HACD3: variants seen among roughly 807,000 people sequenced by gnomAD.
HACD3 encodes very-long-chain (3R)-3-hydroxyacyl-CoA dehydratase 3.
HACD3 carries 30 observed loss-of-function variants against 55.2 expected under a neutral mutation model. That is an observed-to-expected ratio of 0.54 (90% CI 0.41 to 0.74). HACD3 has a LOEUF of 0.74. HACD3 is among the 30% of genes least tolerant of loss of function. HACD3 has a pLI of 0.00. For synonymous variants in HACD3, 141 were observed against 151.7 expected (o/e 0.93, Z 0.52); for missense variants, 363 against 440.1 (o/e 0.82, Z 1.57).
At chr15:65,556,617 T>C in intron 3 of HACD3, 122 bp from the exon 4 acceptor site, 1 of 1,073,324 alleles carries the variant, frequency 9.3e-7, no homozygotes, top group South Asian at 1.9e-5. Flanking sequence ...CATCAGGACT[T>C]GCAGGACCAG....
At chr15:65,575,568 AAAAG>A (rs915434446) in intron 10 of HACD3, among the ~76,000 whole-genome samples, 33 of 152,288 alleles carry the variant, frequency 2.2e-4, no homozygotes, top group Non-Finnish European at 3.1e-4. Context: ...ATTTTACTGT[AAAAG>A]AAAGAAAGAA....
At chr15:65,531,856 G>A (rs1404629077) in intron 1 of HACD3, among the ~76,000 whole-genome samples, 1 of 152,004 alleles carries the variant, frequency 6.6e-6, no homozygotes, top group Admixed American at 6.6e-5. Flanking sequence ...ATGAGCCACC[G>A]CGCCCAGCCT....
chr15:65,557,140 G>T (rs984963259), intron 4 of HACD3, among the ~76,000 whole-genome samples: 2 of 152,212 alleles, frequency 1.3e-5, no homozygotes, highest in African/African-American at 4.8e-5. Context: ...ATGTTGAGGA[G>T]AAGACCACTG....
chr15:65,538,083 T>G (rs1596203881), intron 1 of HACD3, among the ~76,000 whole-genome samples: 1 of 150,896 alleles, frequency 6.6e-6, no homozygotes, highest in East Asian at 1.9e-4. Context: ...TCAAGGAGAT[T>G]AATGTTGTTT....
chr15:65,560,415 C>G (rs1320674511), intron 5 of HACD3, among the ~76,000 whole-genome samples: 1 of 152,102 alleles, frequency 6.6e-6, no homozygotes, highest in African/African-American at 2.4e-5. Context: ...GAATCTTAGG[C>G]TGCAGATAAA....
At chr15:65,564,044 C>T (rs1468312082) in intron 6 of HACD3, among the ~76,000 whole-genome samples, 171 bp from the exon 7 acceptor site, 1 of 152,024 alleles carries the variant, frequency 6.6e-6, no homozygotes, top group Non-Finnish European at 1.5e-5. Flanking sequence ...CTATTCATGA[C>T]CCCATTGGCC....
Position 65,561,951 on chromosome 15 carries a change from T to C in HACD3, c.422-823T>C, listed in dbSNP as rs1400118745. Among the ~76,000 whole-genome samples the C allele has an allele frequency of 2.6e-5, 4 of 152,194 alleles. No homozygotes were observed. In the East Asian group the frequency reaches 7.7e-4, roughly 29 times the overall value. On this transcript the variant is annotated intron_variant, in intron 5 of 10. Transcript: ENST00000261875. ...GGGAAACACATTTGTTCATTTATTATAAGGGATATTATGAAGGATACAGAT... is the reference window on the plus strand; with the variant it reads ...GGGAAACACATTTGTTCATTTATTACAAGGGATATTATGAAGGATACAGAT...
At chr15:65,537,977 ATATATATATATATATATATATATG>A (rs1240726113) in intron 1 of HACD3, among the ~76,000 whole-genome samples, 4 of 56,592 alleles carry the variant, frequency 7.1e-5, no homozygotes, top group African/African-American at 4.1e-4. Flanking sequence ...ATATATATAT[ATATATATATATATATATATATATG>A]TATATTCCTT....
At chr15:65,568,586 T>G (rs1313111553) in intron 7 of HACD3, among the ~76,000 whole-genome samples, 1 of 152,026 alleles carries the variant, frequency 6.6e-6, no homozygotes, top group African/African-American at 2.4e-5. Context: ...CTTGAACTCC[T>G]GACCTCAAAT....
At chr15:65,536,205 C>T (rs908695845) in intron 1 of HACD3, among the ~76,000 whole-genome samples, 1 of 151,832 alleles carries the variant, frequency 6.6e-6, no homozygotes, top group Non-Finnish European at 1.5e-5. Context: ...TTTGTAGAGA[C>T]GAGGTTGGTC....
intron 1 of HACD3, among the ~76,000 whole-genome samples, chr15:65,549,084 AG>A (rs2072105580): frequency 6.6e-6 from 1 of 152,200 alleles, no homozygotes; most frequent in African/African-American, 2.4e-5. Context: ...GAGATGGGCT[AG>A]GTTGTGTAGA....
At chr15:65,569,843 G>A (rs994136243) in intron 7 of HACD3, among the ~76,000 whole-genome samples, 10 of 152,268 alleles carry the variant, frequency 6.6e-5, no homozygotes, top group Middle Eastern at 3.4e-3. Flanking sequence ...TTTAGACTGC[G>A]TTTGAACATG....
intron 1 of HACD3, among the ~76,000 whole-genome samples, chr15:65,540,604 T>C (rs1209653237): frequency 1.3e-5 from 2 of 152,140 alleles, no homozygotes; most frequent in East Asian, 3.9e-4. Flanking sequence ...AGAAAGGATA[T>C]TAGTATGTTT....
At chr15:65,576,261 G>T in intron 10 of HACD3, 42 bp from the exon 11 acceptor site, 1 of 1,552,136 alleles carries the variant, frequency 6.4e-7, no homozygotes, top group South Asian at 1.2e-5. Context: ...GTTATAAATA[G>T]ACAAAGACTC....
chr15:65,532,726 C>T (rs937922572), intron 1 of HACD3, among the ~76,000 whole-genome samples: 3 of 151,124 alleles, frequency 2.0e-5, no homozygotes, highest in African/African-American at 7.3e-5. Flanking sequence ...TCTGGGGTTT[C>T]ACATCTGTAG....
chr15:65,557,963 T>G (rs1309236401), intron 4 of HACD3, among the ~76,000 whole-genome samples: 2 of 150,854 alleles, frequency 1.3e-5, no homozygotes, highest in African/African-American at 4.9e-5. Flanking sequence ...TTTTGAGCAC[T>G]TCCTTACTTT....
At chr15:65,545,335 A>G (rs1219015121) in intron 1 of HACD3, among the ~76,000 whole-genome samples, 2 of 152,244 alleles carry the variant, frequency 1.3e-5, no homozygotes, top group Non-Finnish European at 2.9e-5. Context: ...AGACAAATCC[A>G]GAATATGATA....
intron 7 of HACD3, among the ~76,000 whole-genome samples, chr15:65,568,238 A>C (rs954900148): frequency 6.6e-6 from 1 of 151,522 alleles, no homozygotes; most frequent in East Asian, 2.0e-4. Flanking sequence ...CATAGTTTCT[A>C]TTTTACAAGA....
At chr15:65,560,573 G>C (rs1465305117) in intron 5 of HACD3, among the ~76,000 whole-genome samples, 1 of 152,050 alleles carries the variant, frequency 6.6e-6, no homozygotes, top group African/African-American at 2.4e-5. Context: ...TGAGGCGGGA[G>C]GATCTTTTAG....
Sources: allele counts gnomAD v4.1 joint callset (sites outside exome capture counted in the v4.1 genomes callset), GRCh38; gene constraint gnomAD v4.1.1; transcripts MANE v1.5; gene names NCBI Gene and HGNC (gene_info 2026-07-23, HGNC 2026-07-21).